LRRK2: variants seen among roughly 807,000 people sequenced by gnomAD.
LRRK2 encodes the protein leucine rich repeat kinase 2.
In LRRK2, 203 loss-of-function variants were observed where a neutral mutation model predicts 302.6. That is an observed-to-expected ratio of 0.67 (90% CI 0.60 to 0.75). The LOEUF is 0.75. LRRK2 is among the 30% of genes least tolerant of loss of function. LRRK2 has a pLI of 0.00. For missense variants in LRRK2, 2,830 were observed against 2,951.0 expected (o/e 0.96, Z 0.95); for synonymous variants, 1,066 against 1,031.9 (o/e 1.03, Z -0.63).
chr12:40,352,769 G>C (rs573656108), intron 44 of LRRK2, among the ~76,000 whole-genome samples: 140 of 151,624 alleles, frequency 9.2e-4, no homozygotes, highest in Non-Finnish European at 1.5e-3. Flanking sequence ...AGAGAGCACC[G>C]GGTTGGGGGC....
chr12:40,295,371 A>G, intron 22 of LRRK2, 56 bp from the exon 23 acceptor site: 2 of 1,529,630 alleles, frequency 1.3e-6, no homozygotes, highest in Non-Finnish European at 9.0e-7. Flanking sequence ...AACTTTTACT[A>G]CATGAATTTA....
intron 49 of LRRK2, 45 bp from the exon 50 acceptor site, chr12:40,366,961 A>C (rs1264836705): frequency 6.9e-7 from 1 of 1,445,836 alleles, no homozygotes; most frequent in East Asian, 2.3e-5. Flanking sequence ...GGCCAGTTTA[A>C]TATATAGTTT....
chr12:40,343,939 A>G (rs780837879), intron 41 of LRRK2, among the ~76,000 whole-genome samples: 1 of 152,242 alleles, frequency 6.6e-6, no homozygotes. Flanking sequence ...TTATGAATAT[A>G]TAAATAATAT....
rs1347267761 is a variant in LRRK2 at position 40,232,266 on chromosome 12, G to C, written c.238-8G>C. 6.2e-7 allele frequency: 1 copy of C among 1,602,170 alleles called. No individual in the cohort carries two copies. The highest frequency in any genetic ancestry group is 1.3e-5 in the African/African-American group (1 of 74,630). On this transcript the variant is annotated splice_region_variant and splice_polypyrimidine_tract_variant and intron_variant, in intron 2 of 50. Transcript: ENST00000298910. Reference sequence around the variant, plus strand: ...AAACATGTGAATATATGTCTTTCTTGTTTTCAGGTGGGTTGGTCACTTCTG... The same window carrying C: ...AAACATGTGAATATATGTCTTTCTTCTTTTCAGGTGGGTTGGTCACTTCTG...
intron 38 of LRRK2, among the ~76,000 whole-genome samples, chr12:40,326,466 AAAAAAAAAAAG>A (rs1433808543): frequency 5.8e-5 from 8 of 138,126 alleles, no homozygotes; most frequent in African/African-American, 1.9e-4. Flanking sequence ...ACTCTGTCTC[AAAAAAAAAAAG>A]AAAAAAAAAA....
intron 2 of LRRK2, 98 bp downstream of exon 2, chr12:40,225,738 C>T: frequency 9.0e-7 from 1 of 1,116,552 alleles, no homozygotes; most frequent in Non-Finnish European, 1.3e-6. Context: ...TTGGTTATTC[C>T]CAAAATTTGG....
intron 8 of LRRK2, among the ~76,000 whole-genome samples, chr12:40,250,518 G>A (rs1227440734): frequency 1.3e-5 from 2 of 152,186 alleles, no homozygotes; most frequent in Non-Finnish European, 2.9e-5. Flanking sequence ...TGTGTTTTAA[G>A]TTCTGGTGTA....
At chr12:40,320,462 T>TGTC (rs34867180) in intron 34 of LRRK2, among the ~76,000 whole-genome samples, 3 of 151,942 alleles carry the variant, frequency 2.0e-5, no homozygotes, top group Non-Finnish European at 2.9e-5. Flanking sequence ...TGTGTGTGTG[T>TGTC]CTGTGTTTGT....
At chr12:40,338,910 T>C (rs1439327833) in intron 40 of LRRK2, among the ~76,000 whole-genome samples, 1 of 152,218 alleles carries the variant, frequency 6.6e-6, no homozygotes, top group Non-Finnish European at 1.5e-5. Flanking sequence ...TTGGTAAATT[T>C]TTCTTTCAAG....
At chr12:40,246,160 A>G (rs187455350) in intron 7 of LRRK2, among the ~76,000 whole-genome samples, 2,687 of 151,870 alleles carry the variant, frequency 0.018, 56 homozygotes, top group South Asian at 0.11. Context: ...TGTTTTTTCA[A>G]TGTGGGCTTT....
chr12:40,351,573 G>C lies in LRRK2; in HGVS notation c.6416G>C (p.Cys2139Ser). 6.2e-7 allele frequency: 1 copy of C among 1,614,114 alleles called. No individual in the cohort carries two copies. Among genetic ancestry groups the C allele is most frequent in the Non-Finnish European group, 8.5e-7 (1 of 1,180,016 alleles). Residue 2139 changes from cysteine (C) to serine (S), a missense_variant, in exon 44 of 51, where the codon TGT (cysteine) becomes TCT (serine). By Grantham distance (112) the Cys-to-Ser change is moderately radical. Coordinates refer to ENST00000298910, the MANE Select transcript of LRRK2 (RefSeq NM_198578.4). ...ATTTTGAATTCAGCTGAATTAGTCT[G>C]TCTGACGAGACGCATTTTATTACCT... ...FDILNSAELVCLTRRILLPKN... is the reference protein window; with the variant it reads ...FDILNSAELVSLTRRILLPKN...
intron 8 of LRRK2, 120 bp from the exon 9 acceptor site, chr12:40,251,112 C>G: frequency 1.6e-6 from 1 of 619,938 alleles, no homozygotes; most frequent in Non-Finnish European, 2.7e-6. Context: ...TTGACCAAGG[C>G]TTCTCCTAAA....
intron 33 of LRRK2, among the ~76,000 whole-genome samples, chr12:40,319,334 C>A (rs1945328322): frequency 6.6e-6 from 1 of 151,914 alleles, no homozygotes; most frequent in South Asian, 2.1e-4. Flanking sequence ...AGTAGTAGAG[C>A]CTGGATTTGA....
At chr12:40,245,011 A>G (rs1260369958) in intron 7 of LRRK2, among the ~76,000 whole-genome samples, 1 of 151,358 alleles carries the variant, frequency 6.6e-6, no homozygotes, top group Non-Finnish European at 1.5e-5. Context: ...AAAAAAAAAA[A>G]AAAAAGAAAA....
rs1186989744 is a variant in LRRK2 at position 40,322,157 on chromosome 12, A to C, written c.5293A>C (p.Ile1765Leu). ...LDNHPESFLK[I>L]TVPSCRKGCI... Reference sequence around the variant, plus strand: ...CAATCATCCAGAGAGTTTCTTAAAAATTACAGTTCCTTCTTGTAGAAAAGG... The same window carrying C: ...CAATCATCCAGAGAGTTTCTTAAAACTTACAGTTCCTTCTTGTAGAAAAGG... The change falls in exon 36 of 51, where the codon ATT becomes CTT. Residue 1765 changes from isoleucine to leucine, a missense_variant. Transcript: ENST00000298910. 6.2e-7 allele frequency: 1 copy of C among 1,612,668 alleles called. No individual in the cohort carries two copies. The highest frequency in any genetic ancestry group is 2.2e-5 in the East Asian group (1 of 44,848).
chr12:40,315,142 A>AT (rs1261709230), intron 32 of LRRK2, 70 bp from the exon 33 acceptor site: 13 of 1,318,130 alleles, frequency 9.9e-6, no homozygotes, highest in Admixed American at 8.4e-5. Context: ...GTTGGACTAG[A>AT]TTTTTTCTAA....
chr12:40,273,700 T>C (rs1277339986), intron 14 of LRRK2, among the ~76,000 whole-genome samples: 2 of 152,152 alleles, frequency 1.3e-5, no homozygotes, highest in African/African-American at 4.8e-5. Context: ...GAAAGCAAAA[T>C]TCCTGAGAAG....
chr12:40,365,560 TATG>T (rs1484144099), intron 49 of LRRK2: 7 of 152,060 alleles, frequency 4.6e-5, no homozygotes, highest in African/African-American at 1.7e-4. Flanking sequence ...TATATTTAAA[TATG>T]ATAAAATTGT....
chr12:40,243,719 G>GATATAC, intron 7 of LRRK2, 38 bp downstream of exon 7: 1 of 1,583,368 alleles, frequency 6.3e-7, no homozygotes, highest in Non-Finnish European at 8.7e-7. Context: ...CACACTGTAT[G>GATATAC]ATATACATAT....
Sources: gnomAD v4.1 joint callset for allele counts (sites outside exome capture counted in the v4.1 genomes callset) on GRCh38, gnomAD v4.1.1 for gene constraint, MANE v1.5 for transcripts, NCBI Gene and HGNC (gene_info 2026-07-23, HGNC 2026-07-21) for gene names.